Variants in KRT31 observed in about 807,000 individuals in gnomAD.
KRT31 encodes the protein keratin, type I cuticular Ha1.
A neutral mutation model predicts 40.8 loss-of-function variants in KRT31; 27 were observed. The observed-to-expected ratio is 0.66, with a 90% CI of 0.49 to 0.91. The LOEUF (loss-of-function observed/expected upper bound fraction) is 0.91. KRT31 is among the 40% of genes least tolerant of loss of function. The pLI is 0.00. For missense variants in KRT31, 510 were observed against 544.1 expected (o/e 0.94, Z 0.62); for synonymous variants, 231 against 231.9 (o/e 1.00, Z 0.03).
Position 41,395,488 on chromosome 17 carries a change from C to T in KRT31, c.724G>A (p.Glu242Lys), listed in dbSNP as rs1338333897. The change falls in exon 4 of 7, where the codon GAA becomes AAA. Residue 242 changes from glutamate (E) to lysine (K), a missense_variant. Coordinates refer to ENST00000251645, the MANE Select transcript of KRT31 (RefSeq NM_002277.3). The stretch of plus-strand genomic sequence containing the variant: ...TGCGTGGTGAACCATTGCTCCACTT[C>T]CCTGCGGTTGGTTTCCACCAGGGCC... ...YEALVETNRR[E>K]VEQWFTTQTE... The T allele has an allele frequency of 1.2e-6, 2 of 1,614,198 alleles. No homozygotes were observed. Among genetic ancestry groups the T allele is most frequent in the Non-Finnish European group, 1.7e-6 (2 of 1,180,038 alleles).
intron 2 of KRT31, 31 bp downstream of exon 2, chr17:41,396,882 T>C (rs2018236320): frequency 6.5e-7 from 1 of 1,542,596 alleles, no homozygotes; most frequent in Non-Finnish European, 9.0e-7. Context: ...ACAGAAGCAA[T>C]TGACACTAGT....
Position 41,394,871 on chromosome 17 carries a change from G to A in KRT31, c.1074C>T (p.Ser358=), listed in dbSNP as rs752037872. The part of the protein sequence containing the change: ...RLECEINTYR[S]LLESEDCNLP... ...ACTTGCAGTCCTCGCTCTCCAGCAGGCTCCGGTATGTGTTGATCTCACACT... is the reference window on the plus strand; with the variant it reads ...ACTTGCAGTCCTCGCTCTCCAGCAGACTCCGGTATGTGTTGATCTCACACT... Residue 358 remains serine (S), a synonymous_variant, in exon 6 of 7, where the codon AGC becomes AGT. Transcript: ENST00000251645. 3 of 1,614,004 alleles carry A rather than the reference G, an allele frequency of 1.9e-6. No individual in the cohort carries two copies. Among genetic ancestry groups the A allele is most frequent in the Non-Finnish European group, 2.5e-6 (3 of 1,180,014 alleles).
Position 41,393,780 on chromosome 17 carries a change from A to G in KRT31, c.*236T>C, listed in dbSNP as rs2018171931. On this transcript the variant is annotated 3_prime_UTR_variant, in exon 7 of 7. Transcript: ENST00000251645. ...TAAAAGGGAGGCCCACTGGCACATCAGAGAGTTCTCTGGGTGAGCATAGGA... is the reference window on the plus strand; with the variant it reads ...TAAAAGGGAGGCCCACTGGCACATCGGAGAGTTCTCTGGGTGAGCATAGGA... 4 of 503,142 alleles carry G rather than the reference A, an allele frequency of 8.0e-6. No homozygotes were observed. In the East Asian group the frequency reaches 1.4e-4, roughly 17 times the overall value. The allele number at this position is 503,142 out of a possible 1,614,324, so 31.2% of individuals were successfully genotyped here.
Position 41,395,456 on chromosome 17 carries a change from G to A in KRT31, c.750+6C>T. On this transcript the variant is annotated splice_donor_region_variant and intron_variant, in intron 4 of 6. Transcript: ENST00000251645. Reference sequence around the variant, plus strand: ...GTCCTGAGGGGCCACGTGCTTAGATGCCCACCTGCGTGGTGAACCATTGCT... The same window carrying A: ...GTCCTGAGGGGCCACGTGCTTAGATACCCACCTGCGTGGTGAACCATTGCT... 1.2e-6 allele frequency: 2 copies of A among 1,614,084 alleles called. No individual in the cohort carries two copies. Among genetic ancestry groups the A allele is most frequent in the Non-Finnish European group, 1.7e-6 (2 of 1,179,970 alleles).
Position 41,395,389 on chromosome 17 carries a change from G to T in KRT31, c.751-19C>A. The T allele has an allele frequency of 1.2e-6, 2 of 1,614,172 alleles. No individual in the cohort carries two copies. The highest frequency in any genetic ancestry group is 2.7e-5 in the African/African-American group (2 of 75,064). ...CCTCGGTCTGAAACACCCAAGGGGA[G>T]AAAGGATCAGACCCTGCCTCCGGGG... On this transcript the variant is annotated intron_variant, in intron 4 of 6. Coordinates refer to ENST00000251645, the MANE Select transcript of KRT31 (RefSeq NM_002277.3).
At chr17:41,394,473 G>T (rs997901307) in intron 6 of KRT31, among the ~76,000 whole-genome samples, 1 of 152,146 alleles carries the variant, frequency 6.6e-6, no homozygotes, top group Non-Finnish European at 1.5e-5. Context: ...CTTTCCTGTA[G>T]AATGGAGGGA....
rs180857423 is a variant in KRT31, at chr17:41,395,295, T to C, written c.826A>G (p.Arg276Gly). 1.9e-5 allele frequency: 30 copies of C among 1,613,328 alleles called. No homozygotes were observed. In the Admixed American group the frequency reaches 5.0e-4, roughly 27 times the overall value. ...QSYQAEIIEL[R>G]RTVNALEIEL... ...ATCTCCAGGGCGTTGACTGTGCGTC[T>C]CAGCTCGATGATCTCCGCCTGGTAG... Residue 276 changes from arginine (R) to glycine (G), a missense_variant, in exon 5 of 7, where the codon AGA (arginine) becomes GGA (glycine). Coordinates refer to ENST00000251645, the MANE Select transcript of KRT31 (RefSeq NM_002277.3).
chr17:41,394,769 T>C, intron 6 of KRT31, 79 bp downstream of exon 6: 1 of 1,585,134 alleles, frequency 6.3e-7, no homozygotes, highest in Non-Finnish European at 8.6e-7. Context: ...CTTTCCAAGG[T>C]ATGCAATATT....
In KRT31 at chr17:41,394,768, G is replaced by T. The variant is rs2018188248; in HGVS notation, c.1097+80C>A. The T allele has an allele frequency of 1.8e-5, 28 of 1,583,750 alleles. No homozygotes were observed. In the South Asian group the frequency reaches 2.7e-4, roughly 15 times the overall value. ...GTGAAGGCATAATTTCCTTTCCAAG[G>T]TATGCAATATTTGCATGGTGTCTAA... On this transcript the variant is annotated intron_variant, in intron 6 of 6. Coordinates refer to ENST00000251645, the MANE Select transcript of KRT31 (RefSeq NM_002277.3).
intron 3 of KRT31, 89 bp from the exon 4 acceptor site, chr17:41,395,712 A>G (rs980613406): frequency 2.1e-6 from 3 of 1,455,918 alleles, no homozygotes; most frequent in Non-Finnish European, 2.8e-6. Context: ...CTGTTAGTCT[A>G]TTTTCTCGGA....
At position 41,393,779 on chromosome 17, in the gene KRT31, C is replaced by A; in HGVS notation, c.*237G>T. ...TTAAAAGGGAGGCCCACTGGCACAT[C>A]AGAGAGTTCTCTGGGTGAGCATAGG... On this transcript the variant is annotated 3_prime_UTR_variant, in exon 7 of 7. Coordinates refer to ENST00000251645, the MANE Select transcript of KRT31 (RefSeq NM_002277.3). 2.0e-6 allele frequency: 1 copy of A among 500,446 alleles called. No homozygotes were observed. The highest frequency in any genetic ancestry group is 3.5e-6 in the Non-Finnish European group (1 of 288,432). The allele number at this position is 500,446 out of a possible 1,614,324, so 31.0% of individuals were successfully genotyped here.
chr17:41,394,218 A>C, intron 6 of KRT31, 49 bp from the exon 7 acceptor site: 1 of 1,599,406 alleles, frequency 6.3e-7, no homozygotes, highest in South Asian at 1.1e-5. Context: ...GCAATTTTAA[A>C]ATCATATGCC....
Position 41,396,998 on chromosome 17 carries a change from G to A in KRT31, c.349-3C>T, listed in dbSNP as rs116241763. 1.1e-3 allele frequency: 1,722 copies of A among 1,613,148 alleles called. 13 individuals are homozygous for A. The African/African-American group carries it at 0.02, about 19-fold the overall frequency. On this transcript the variant is annotated splice_polypyrimidine_tract_variant and splice_region_variant and intron_variant, in intron 1 of 6. Coordinates refer to ENST00000251645, the MANE Select transcript of KRT31 (RefSeq NM_002277.3). ...TTCTCAGACTTGGTACACAGGATCT[G>A]GGGAGTGAGAGGTGGCTTAGTGAGG...
At chr17:41,396,320 G>T in intron 3 of KRT31, 100 bp downstream of exon 3, 2 of 1,167,872 alleles carry the variant, frequency 1.7e-6, no homozygotes, top group Non-Finnish European at 2.4e-6. Flanking sequence ...GAAACCCTCA[G>T]TCTTGTACTC....
At chr17:41,395,406 C>T (rs757556961) in intron 4 of KRT31, 36 bp from the exon 5 acceptor site, 14 of 1,613,896 alleles carry the variant, frequency 8.7e-6, no homozygotes, top group African/African-American at 1.3e-5. Context: ...TCAGACCCTG[C>T]CTCCGGGGCC....
At chr17:41,395,216 G>A (rs370933699) in intron 5 of KRT31, 29 bp downstream of exon 5, 130 of 1,612,240 alleles carry the variant, frequency 8.1e-5, no homozygotes, top group Admixed American at 1.0e-4. Flanking sequence ...AGTTCCCGTC[G>A]CTCACCAGCA....
chr17:41,394,754 ATTTCC>A, intron 6 of KRT31, 89 bp downstream of exon 6: 1 of 1,570,812 alleles, frequency 6.4e-7, no homozygotes, highest in African/African-American at 1.3e-5. Flanking sequence ...TGAAGGCATA[ATTTCC>A]TTTCCAAGGT....
Position 41,393,985 on chromosome 17 carries a change from G to A in KRT31, c.*31C>T. 6.2e-7 allele frequency: 1 copy of A among 1,607,826 alleles called. No individual in the cohort carries two copies. ...TCACAGCTCTGGAGTCCTGGGCCCT[G>A]CATCCTTGCTCCTCTGGCATTCCCT... On this transcript the variant is annotated 3_prime_UTR_variant, in exon 7 of 7. Transcript: ENST00000251645.
rs1161726380 is a variant in KRT31, at chr17:41,397,270, C to T, written c.270G>A (p.Glu90=). 1 of 1,614,220 alleles carries T rather than the reference C, an allele frequency of 6.2e-7. No individual in the cohort carries two copies. The highest frequency in any genetic ancestry group is 8.5e-7 in the Non-Finnish European group (1 of 1,180,036). The part of the protein sequence containing the change: ...DNAELENLIR[E]RSQQQEPLLC... ...GCAAGGGCTCCTGCTGCTGAGACCGCTCCCGGATGAGGTTCTCCAGCTCCG... is the reference window on the plus strand; with the variant it reads ...GCAAGGGCTCCTGCTGCTGAGACCGTTCCCGGATGAGGTTCTCCAGCTCCG... Residue 90 remains glutamate, a synonymous_variant, in exon 1 of 7, where the codon GAG becomes GAA. Transcript: ENST00000251645.
Sources: gnomAD v4.1 joint callset for allele counts (sites outside exome capture counted in the v4.1 genomes callset) on GRCh38, gnomAD v4.1.1 for gene constraint, MANE v1.5 for transcripts, NCBI Gene and HGNC (gene_info 2026-07-23, HGNC 2026-07-21) for gene names.